The following PSMC3 variants were observed in gnomAD, a reference collection of about 807,000 sequenced individuals.
The protein encoded by PSMC3 is proteasome 26S subunit, ATPase 3.
Under a neutral mutation model 52.0 loss-of-function variants are expected in PSMC3, and 11 were observed. That is an observed-to-expected ratio of 0.21 (90% confidence interval 0.13 to 0.35). The LOEUF is 0.35. Ranked by LOEUF, PSMC3 falls within the 10% of genes least tolerant of loss-of-function variation. The probability of loss-of-function intolerance (pLI) is 1.00; values close to 1 mark genes in which losing one functional copy is unlikely to be tolerated. For missense variants in PSMC3, 238 were observed against 567.1 expected, an observed-to-expected ratio of 0.42 and a Z score of 5.89; for synonymous variants, 201 against 218.8, an observed-to-expected ratio of 0.92 and a Z score of 0.72.
rs1017721272 is a variant in PSMC3, at chr11:47,425,317, G to T, written c.160-71C>A. The stretch of plus-strand genomic sequence containing the variant: ...CTTATGCTAGAGCCCTGTAACTAGT[G>T]AGGTCCAGGGTGCCCAGGGGACCCT... On this transcript the variant is annotated intron_variant, in intron 2 of 11. Transcript: ENST00000298852. The T allele has an allele frequency of 1.9e-6, 3 of 1,586,340 alleles. No homozygotes were observed. In the African/African-American group the frequency reaches 4.0e-5, roughly 21 times the overall value.
At position 47,426,249 on chromosome 11, in the gene PSMC3, C is replaced by T. The variant is rs1158532692; in HGVS notation, c.31G>A (p.Val11Met). MNLLPNIESP[V>M]TRQEKMATVW... ...GTCGCCATCTTCTCCTGCCGAGTCA[C>T]TGGACTCTCAATATTCGGCAGCAGA... Residue 11 changes from valine to methionine, a missense_variant, in exon 1 of 12, where the codon GTG (valine) becomes ATG (methionine). Physicochemically the swap from Val to Met is conservative, Grantham distance 21. Transcript: ENST00000298852. 4.5e-6 allele frequency: 7 copies of T among 1,558,756 alleles called. No homozygotes were observed. Among genetic ancestry groups the T allele is most frequent in the Non-Finnish European group, 6.1e-6 (7 of 1,151,420 alleles).
rs1333246252 is a variant in PSMC3 at position 47,424,864 on chromosome 11, T to C, written c.286-153A>G. ...TGGGTGCCCCTGCTAAGCCCAGGGATTGATCTCTGTGTAGGTGCTGCTCCT... is the reference window on the plus strand; with the variant it reads ...TGGGTGCCCCTGCTAAGCCCAGGGACTGATCTCTGTGTAGGTGCTGCTCCT... On this transcript the variant is annotated intron_variant, in intron 3 of 11. Transcript: ENST00000298852. The surrounding 1 kb of genome is among the most constrained non-coding windows in gnomAD (Gnocchi z 4.8). 6.6e-6 allele frequency among the ~76,000 whole-genome samples: 1 copy of C among 152,140 alleles called. No homozygotes were observed. Among genetic ancestry groups the C allele is most frequent in the East Asian group, 1.9e-4 (1 of 5,194 alleles).
rs753833563 is a variant in PSMC3, at chr11:47,422,805, C to CAAAGTA, written c.735+24_735+25insTACTTT. On this transcript the variant is annotated intron_variant, in intron 7 of 11. Coordinates refer to ENST00000298852, the MANE Select transcript of PSMC3 (RefSeq NM_002804.5). The surrounding 1 kb of genome is among the most constrained non-coding windows in gnomAD (Gnocchi z 4.3). Reference sequence around the variant, plus strand: ...AGAGTTTCTGCTCCTGCCCACTTCCCCCGCATCCCTCCCAAAGTACTCACC... The same window carrying CAAAGTA: ...AGAGTTTCTGCTCCTGCCCACTTCCCAAAGTACCGCATCCCTCCCAAAGTACTCACC... 1.2e-6 allele frequency: 2 copies of CAAAGTA among 1,602,936 alleles called. No homozygotes were observed. The highest frequency in any genetic ancestry group is 2.2e-5 in the South Asian group (2 of 90,226).
intron 6 of PSMC3, 106 bp downstream of exon 6, chr11:47,423,940 A>C (rs1034335635): frequency 1.3e-6 from 2 of 1,488,104 alleles, no homozygotes; most frequent in African/African-American, 2.8e-5. Flanking sequence ...CTTCCTCCCT[A>C]GGTTGCTATG....
Position 47,419,101 on chromosome 11 carries a change from C to A in PSMC3, c.1209+15G>T, listed in dbSNP as rs1221263278. On this transcript the variant is annotated intron_variant, in intron 11 of 11. Transcript: ENST00000298852. ...AAGGCACAAAGCAACGCACCCACCC[C>A]AGCTGACCACTCACCGCCTCCACAC... The A allele has an allele frequency of 6.2e-7, 1 of 1,614,140 alleles. No homozygotes were observed.
Position 47,424,541 on chromosome 11 carries a change from T to C in PSMC3, c.391-50A>G. 6.2e-7 allele frequency: 1 copy of C among 1,607,374 alleles called. No individual in the cohort carries two copies. Among genetic ancestry groups the C allele is most frequent in the Non-Finnish European group, 8.5e-7 (1 of 1,173,920 alleles). On this transcript the variant is annotated intron_variant, in intron 4 of 11. Coordinates refer to ENST00000298852, the MANE Select transcript of PSMC3 (RefSeq NM_002804.5). The surrounding 1 kb of genome is among the most constrained non-coding windows in gnomAD (Gnocchi z 4.8). ...CTCAGTTAGTGTCCTCAGGGAAGGC[T>C]CCCTAGTCCTGTCCCACATCCGCTC...
chr11:47,424,254 G>A lies in PSMC3; in HGVS notation c.454-71C>T. The A allele has an allele frequency of 6.2e-7, 1 of 1,604,178 alleles. No homozygotes were observed. Among genetic ancestry groups the A allele is most frequent in the Non-Finnish European group, 8.5e-7 (1 of 1,171,130 alleles). On this transcript the variant is annotated intron_variant, in intron 5 of 11. Transcript: ENST00000298852. This position sits in a 1 kb window ranked among gnomAD's most constrained non-coding sequence, Gnocchi z 4.8. ...CTACCCAACTGACTGGGTGACAGGTGTCTGCAGAGGGAAAGACACAGGACT... is the reference window on the plus strand; with the variant it reads ...CTACCCAACTGACTGGGTGACAGGTATCTGCAGAGGGAAAGACACAGGACT...
At position 47,422,010 on chromosome 11, in the gene PSMC3, T is replaced by C. The variant is rs2096041120; in HGVS notation, c.884+564A>G. 6.6e-6 allele frequency among the ~76,000 whole-genome samples: 1 copy of C among 150,564 alleles called. No homozygotes were observed. The highest frequency in any genetic ancestry group is 2.1e-4 in the South Asian group (1 of 4,768). ...CCACTGTGGGTTCATGTGAGCGAGG[T>C]GGCCAGATTCCTGCTTTGGCTTTTT... is the stretch of plus-strand genomic sequence containing the variant. On this transcript the variant is annotated intron_variant, in intron 8 of 11. Coordinates refer to ENST00000298852, the MANE Select transcript of PSMC3 (RefSeq NM_002804.5). The surrounding 1 kb of genome is among the most constrained non-coding windows in gnomAD (Gnocchi z 4.3).
rs111781806 is a variant in PSMC3, at chr11:47,426,373, A to T, written c.-94T>A. The T allele has an allele frequency of 2.7e-4, 312 of 1,172,790 alleles. No individual in the cohort carries two copies. In the African/African-American group the frequency reaches 4.2e-3, roughly 16 times the overall value. The allele number at this position is 1,172,790 out of a possible 1,614,324, so 72.6% of individuals were successfully genotyped here. ...TAAAGCCTTCTCTTGACCAGTGGAA[A>T]ACCTCTCCCCACAAATCCCGACTCT... is the stretch of plus-strand genomic sequence containing the variant. On this transcript the variant is annotated 5_prime_UTR_variant, in exon 1 of 12. Transcript: ENST00000298852.
chr11:47,421,431 A>T (rs1353371769), intron 8 of PSMC3, among the ~76,000 whole-genome samples: 1 of 151,972 alleles, frequency 6.6e-6, no homozygotes, highest in East Asian at 1.9e-4. Context: ...TGAGGCTGAG[A>T]TCTGAAGGTT....
rs746372081 is a variant in PSMC3 at position 47,422,587 on chromosome 11, T to C, written c.871A>G (p.Ile291Val). The C allele has an allele frequency of 3.1e-6, 5 of 1,614,142 alleles. No homozygotes were observed. In the Admixed American group the frequency reaches 6.7e-5, roughly 22 times the overall value. Reference sequence around the variant, plus strand: ...GCCCTCCCTTACCGCTTGGTGCCGATGGCATCCAACTCATCAATGAAGATG... The same window carrying C: ...GCCCTCCCTTACCGCTTGGTGCCGACGGCATCCAACTCATCAATGAAGATG... ...SIIFIDELDA[I>V]GTKRFDSEKA... Residue 291 changes from isoleucine (I) to valine (V), a missense_variant, in exon 8 of 12, where the codon ATC becomes GTC. This residue lies in a region of PSMC3 where 46 missense variants were observed against 172.9 expected (regional missense o/e 0.27). Transcript: ENST00000298852. This position sits in a 1 kb window ranked among gnomAD's most constrained non-coding sequence, Gnocchi z 4.3.
chr11:47,418,951 G>A lies in PSMC3; in HGVS notation c.1210-6C>T. 6.2e-7 allele frequency: 1 copy of A among 1,613,930 alleles called. No homozygotes were observed. On this transcript the variant is annotated splice_region_variant and splice_polypyrimidine_tract_variant and intron_variant, in intron 11 of 11. Coordinates refer to ENST00000298852, the MANE Select transcript of PSMC3 (RefSeq NM_002804.5). ...CTGCGCAGTGCGATCATGCCCTACA[G>A]CCGGGACAAACAGAGTCTAGGTCTG...
At chr11:47,423,973 G>A (rs755916912) in intron 6 of PSMC3, 73 bp downstream of exon 6, 9 of 1,600,746 alleles carry the variant, frequency 5.6e-6, no homozygotes, top group Non-Finnish European at 7.7e-6. Flanking sequence ...ACATTAGGGA[G>A]ATGAGCTGCA....
At position 47,426,262 on chromosome 11, in the gene PSMC3, AT is replaced by A. The variant is rs1565677337; in HGVS notation, c.17del (p.Asn6IlefsTer6). 6.4e-7 allele frequency: 1 copy of A among 1,555,048 alleles called. No individual in the cohort carries two copies. The highest frequency in any genetic ancestry group is 1.2e-5 in the South Asian group (1 of 84,290). MNLLP[N>X]IESPVTRQEK... ...CCTGCCGAGTCACTGGACTCTCAAT[AT>A]TCGGCAGCAGATTCATTTCCTGGAG... On this transcript the variant is annotated frameshift_variant, in exon 1 of 12. Coordinates refer to ENST00000298852, the MANE Select transcript of PSMC3 (RefSeq NM_002804.5). LOFTEE classifies it high-confidence loss of function.
rs2096045890 is a variant in PSMC3, at chr11:47,425,921, C to T, written c.105G>A (p.Lys35=). ...EQDGIGEEVL[K]MSTEEIIQRT... The stretch of plus-strand genomic sequence containing the variant: ...GCTGGATGATCTCCTCCGTGGACAT[C>T]TTGAGCACCTCCTCCCCAATTCCAT... Residue 35 remains lysine (K), a synonymous_variant, in exon 2 of 12, where the codon AAG becomes AAA. Coordinates refer to ENST00000298852, the MANE Select transcript of PSMC3 (RefSeq NM_002804.5). The T allele has an allele frequency of 6.2e-7, 1 of 1,613,922 alleles. No homozygotes were observed. Among genetic ancestry groups the T allele is most frequent in the African/African-American group, 1.3e-5 (1 of 74,948 alleles).
intron 8 of PSMC3, among the ~76,000 whole-genome samples, chr11:47,421,196 G>C (rs2096039978): frequency 7.2e-6 from 1 of 139,376 alleles, no homozygotes; most frequent in Admixed American, 8.0e-5. Flanking sequence ...GTTGCAGTGA[G>C]CCGAGATCAC....
intron 2 of PSMC3, 98 bp from the exon 3 acceptor site, chr11:47,425,344 C>T (rs2096045157): frequency 2.1e-6 from 3 of 1,416,368 alleles, no homozygotes; most frequent in Non-Finnish European, 3.0e-6. Flanking sequence ...GGGGACCCTC[C>T]CGCATCCATT....
rs1388584297 is a variant in PSMC3, at chr11:47,422,562, G to GCCCT, written c.884+8_884+11dup. 6.2e-7 allele frequency: 1 copy of GCCCT among 1,613,764 alleles called. No individual in the cohort carries two copies. The highest frequency in any genetic ancestry group is 1.3e-5 in the African/African-American group (1 of 74,906). ...CCACAGAGATCGCTAGGGACCCTTG[G>GCCCT]CCCTCCCTTACCGCTTGGTGCCGAT... On this transcript the variant is annotated intron_variant, in intron 8 of 11. Coordinates refer to ENST00000298852, the MANE Select transcript of PSMC3 (RefSeq NM_002804.5). The surrounding 1 kb of genome is among the most constrained non-coding windows in gnomAD (Gnocchi z 4.3).
At chr11:47,425,526 A>T (rs1442409545) in intron 2 of PSMC3, 2 of 557,802 alleles carry the variant, frequency 3.6e-6, no homozygotes, top group Non-Finnish European at 6.4e-6. Flanking sequence ...CATAGTAAGA[A>T]CTGGGTGCTT....
Sources: allele counts gnomAD v4.1 joint callset (sites outside exome capture counted in the v4.1 genomes callset), GRCh38; gene constraint gnomAD v4.1.1; regional missense constraint gnomAD v4.1.1; non-coding constraint Gnocchi (gnomAD v3.1); transcripts MANE v1.5; gene names NCBI Gene and HGNC (gene_info 2026-07-23, HGNC 2026-07-21).